Variants in DLGAP1 observed in about 807,000 individuals in gnomAD.
DLGAP1 encodes the protein DLG associated protein 1.
DLGAP1 carries 11 observed loss-of-function variants against 90.8 expected under a neutral mutation model. The ratio of observed to expected loss-of-function variants is 0.12; its 90% CI spans 0.08 to 0.20. DLGAP1 has a LOEUF of 0.20. DLGAP1 is among the 10% of genes least tolerant of loss of function. The pLI is 1.00. For missense variants in DLGAP1, 1,050 were observed against 1,333.8 expected (o/e 0.79, Z 3.31); for synonymous variants, 558 against 540.7 (o/e 1.03, Z -0.44).
intron 1 of DLGAP1, among the ~76,000 whole-genome samples, chr18:4,406,039 T>C (rs1302378313): frequency 1.3e-5 from 2 of 152,216 alleles, no homozygotes; most frequent in African/African-American, 4.8e-5. Flanking sequence ...CATTAGTTAC[T>C]TGGTTTACGC....
In DLGAP1 at chr18:3,576,485, T is replaced by G. The variant is rs979558698; in HGVS notation, c.1965+5390A>C. On this transcript the variant is annotated intron_variant, in intron 8 of 12. Coordinates refer to ENST00000315677, the MANE Select transcript of DLGAP1 (RefSeq NM_004746.4). ...CATCTTGGCCAGGCTGGTATTGAACTCCTGACCTTGTGATCCGCCTGCCTT... is the reference window on the plus strand; with the variant it reads ...CATCTTGGCCAGGCTGGTATTGAACGCCTGACCTTGTGATCCGCCTGCCTT... Among the ~76,000 whole-genome samples, 6 of 151,918 alleles carry G rather than the reference T, an allele frequency of 3.9e-5. 1 individual carries two copies. The highest frequency in any genetic ancestry group is 6.6e-5 in the Admixed American group (1 of 15,246).
chr18:4,191,600 A>C, intron 1 of DLGAP1, among the ~76,000 whole-genome samples: 1 of 152,166 alleles, frequency 6.6e-6, no homozygotes, highest in East Asian at 1.9e-4. Context: ...ACCTAAGCAC[A>C]ATCTGATCCA....
chr18:3,882,348 A>T (rs2071194698), intron 3 of DLGAP1, among the ~76,000 whole-genome samples: 1 of 151,426 alleles, frequency 6.6e-6, no homozygotes, highest in African/African-American at 2.4e-5. Context: ...ACAAGCTGGG[A>T]AACATAGTGG....
intron 1 of DLGAP1, among the ~76,000 whole-genome samples, chr18:4,412,396 T>C (rs1227978992): frequency 1.3e-5 from 2 of 152,178 alleles, no homozygotes; most frequent in Non-Finnish European, 2.9e-5. Flanking sequence ...AGTGCCCTCA[T>C]CAAGATATAG....
chr18:3,825,311 A>T (rs527708934), intron 4 of DLGAP1, among the ~76,000 whole-genome samples: 1 of 152,328 alleles, frequency 6.6e-6, no homozygotes, highest in South Asian at 2.1e-4. Context: ...TGTTCAACAC[A>T]TATTTATTGA....
intron 10 of DLGAP1, among the ~76,000 whole-genome samples, chr18:3,516,252 T>A (rs974997351): frequency 2.6e-5 from 4 of 152,094 alleles, no homozygotes; most frequent in Admixed American, 1.3e-4. Flanking sequence ...TTTTTTCAAA[T>A]TTTTTTGGGT....
intron 1 of DLGAP1, among the ~76,000 whole-genome samples, chr18:4,448,009 T>G (rs1415822703): frequency 2.0e-5 from 3 of 152,318 alleles, no homozygotes; most frequent in African/African-American, 2.4e-5. Flanking sequence ...GTGGAGGAAC[T>G]GGAGGAGAGA....
At chr18:3,912,291 G>T (rs1257763491) in intron 3 of DLGAP1, among the ~76,000 whole-genome samples, 1 of 152,196 alleles carries the variant, frequency 6.6e-6, no homozygotes, top group Non-Finnish European at 1.5e-5. Flanking sequence ...TGTTGTCAGA[G>T]CACCTACTGT....
In DLGAP1 at chr18:4,165,965, C is replaced by T. The variant is rs1040503571; in HGVS notation, c.-266-14678G>A. ...TGAGGACAGAAGTTCAAGACCAGCC[C>T]TGAACAATGTAGTGAGACCCTGTCT... On this transcript the variant is annotated intron_variant, in intron 1 of 12. Coordinates refer to ENST00000315677, the MANE Select transcript of DLGAP1 (RefSeq NM_004746.4). 3.9e-5 allele frequency among the ~76,000 whole-genome samples: 6 copies of T among 152,098 alleles called. No homozygotes were observed. In the East Asian group the frequency reaches 9.7e-4, roughly 25 times the overall value.
intron 3 of DLGAP1, among the ~76,000 whole-genome samples, chr18:3,934,426 G>A (rs1258896750): frequency 6.6e-6 from 1 of 151,996 alleles, no homozygotes. Flanking sequence ...AATATCTAGG[G>A]GCATCTGCTA....
At chr18:4,201,627 A>T (rs2077608375) in intron 1 of DLGAP1, among the ~76,000 whole-genome samples, 2 of 152,162 alleles carry the variant, frequency 1.3e-5, no homozygotes, top group Non-Finnish European at 2.9e-5. Flanking sequence ...ATCACCAAGA[A>T]AAAAAACAAA....
At chr18:4,216,657 G>C (rs1281441872) in intron 1 of DLGAP1, among the ~76,000 whole-genome samples, 1 of 152,100 alleles carries the variant, frequency 6.6e-6, no homozygotes, top group South Asian at 2.1e-4. Context: ...GCTTAGAATA[G>C]ACAACTTCTA....
intron 7 of DLGAP1, among the ~76,000 whole-genome samples, chr18:3,639,772 T>A (rs1210683201): frequency 1.4e-5 from 2 of 146,790 alleles, no homozygotes; most frequent in Non-Finnish European, 3.0e-5. Context: ...TTTTTTTTTT[T>A]GAGACAGAGT....
chr18:3,718,926 GAAA>G (rs58552058), intron 7 of DLGAP1, among the ~76,000 whole-genome samples: 17 of 95,454 alleles, frequency 1.8e-4, no homozygotes, highest in Non-Finnish European at 2.1e-4. Flanking sequence ...GACTTTGTCT[GAAA>G]AAAAAAAAAA....
intron 1 of DLGAP1, among the ~76,000 whole-genome samples, chr18:4,435,280 T>C (rs2083375295): frequency 6.6e-6 from 1 of 152,196 alleles, no homozygotes; most frequent in South Asian, 2.1e-4. Flanking sequence ...TAAAATTTGA[T>C]GTTTTGATAC....
intron 2 of DLGAP1, among the ~76,000 whole-genome samples, chr18:4,064,055 A>T (rs1274895910): frequency 6.6e-6 from 1 of 151,994 alleles, no homozygotes; most frequent in African/African-American, 2.4e-5. Flanking sequence ...AAACTTACTC[A>T]GTCTTTTAGC....
chr18:3,690,324 C>T lies in DLGAP1; in HGVS notation c.1591+38811G>A, dbSNP rs375586372. On this transcript the variant is annotated intron_variant, in intron 7 of 12. Transcript: ENST00000315677. ...CTAGTCTCAAATTCCTGGGCTCAAGCGATCTGTCCCCTACGGCCTCTCAAA... is the reference window on the plus strand; with the variant it reads ...CTAGTCTCAAATTCCTGGGCTCAAGTGATCTGTCCCCTACGGCCTCTCAAA... 1.3e-4 allele frequency among the ~76,000 whole-genome samples: 20 copies of T among 151,954 alleles called. 1 individual carries two copies. Among genetic ancestry groups the T allele is most frequent in the African/African-American group, 4.3e-4 (18 of 41,452 alleles).
chr18:4,042,025 A>G, intron 2 of DLGAP1, among the ~76,000 whole-genome samples: 1 of 152,202 alleles, frequency 6.6e-6, no homozygotes, highest in Non-Finnish European at 1.5e-5. Flanking sequence ...TGTGTTATAG[A>G]GATGTTTTGA....
Position 4,397,853 on chromosome 18 carries a change from T to C in DLGAP1, c.-267+57153A>G, listed in dbSNP as rs1019006215. Among the ~76,000 whole-genome samples, 6 of 152,314 alleles carry C rather than the reference T, an allele frequency of 3.9e-5. No individual in the cohort carries two copies. The East Asian group carries it at 1.2e-3, about 29-fold the overall frequency. On this transcript the variant is annotated intron_variant, in intron 1 of 12. Coordinates refer to ENST00000315677, the MANE Select transcript of DLGAP1 (RefSeq NM_004746.4). Reference sequence around the variant, plus strand: ...GTAAAGATTTCTTAAATCATCTTTTTCAGGACATTTTTATCTGCCTAATAA... The same window carrying C: ...GTAAAGATTTCTTAAATCATCTTTTCCAGGACATTTTTATCTGCCTAATAA...
Sources: allele counts gnomAD v4.1 joint callset (sites outside exome capture counted in the v4.1 genomes callset), GRCh38; gene constraint gnomAD v4.1.1; transcripts MANE v1.5; gene names NCBI Gene and HGNC (gene_info 2026-07-23, HGNC 2026-07-21).